The following PTPRD variants were observed in gnomAD, a reference collection of about 807,000 sequenced individuals.
The protein encoded by PTPRD is receptor-type tyrosine-protein phosphatase delta.
A neutral mutation model predicts 214.5 loss-of-function variants in PTPRD; 34 were observed. The ratio of observed to expected loss-of-function variants is 0.16; its 90% CI spans 0.12 to 0.21. The LOEUF (loss-of-function observed/expected upper bound fraction) is 0.21, where lower values mean the gene tolerates loss of function less well. Ranked by LOEUF, PTPRD falls within the 10% of genes least tolerant of loss-of-function variation. The pLI, the probability that PTPRD is intolerant of heterozygous loss-of-function variation, is 1.00. For synonymous variants in PTPRD, 1,128 were observed against 845.7 expected, an observed-to-expected ratio of 1.33 and a Z score of -5.79; for missense variants, 2,545 against 2,398.7, an observed-to-expected ratio of 1.06 and a Z score of -1.27.
intron 12 of PTPRD, among the ~76,000 whole-genome samples, chr9:8,658,879 A>G (rs2096969845): frequency 6.6e-6 from 1 of 152,192 alleles, no homozygotes; most frequent in African/African-American, 2.4e-5. Flanking sequence ...ATAAATAAAT[A>G]CAATTGCAAT....
intron 10 of PTPRD, among the ~76,000 whole-genome samples, chr9:9,169,930 A>G (rs911488896): frequency 6.6e-6 from 1 of 152,190 alleles, no homozygotes; most frequent in South Asian, 2.1e-4. Context: ...CTGTCCTGGA[A>G]CTGCAAGATT....
intron 12 of PTPRD, among the ~76,000 whole-genome samples, chr9:8,705,982 C>G (rs1333920437): frequency 6.6e-6 from 1 of 152,086 alleles, no homozygotes; most frequent in Non-Finnish European, 1.5e-5. Flanking sequence ...AAATTCCAAG[C>G]CAGGCATTCA....
At chr9:10,515,308 G>T (rs2049684732) in intron 2 of PTPRD, among the ~76,000 whole-genome samples, 2 of 151,918 alleles carry the variant, frequency 1.3e-5, no homozygotes, top group African/African-American at 4.8e-5. Context: ...CATGTCTTTT[G>T]AAAAATGCTA....
chr9:8,865,506 C>A (rs924277394), intron 11 of PTPRD, among the ~76,000 whole-genome samples: 6 of 152,086 alleles, frequency 3.9e-5, no homozygotes, highest in South Asian at 4.2e-4. Context: ...TAAAGCCTCC[C>A]GTATAGTCCA....
chr9:9,980,529 A>AC (rs1013483338), intron 4 of PTPRD, among the ~76,000 whole-genome samples: 2 of 142,306 alleles, frequency 1.4e-5, no homozygotes, highest in African/African-American at 5.1e-5. Flanking sequence ...AATCGCTTGA[A>AC]CCCGGGGGGG....
intron 9 of PTPRD, among the ~76,000 whole-genome samples, chr9:9,385,866 G>A (rs2063713776): frequency 6.6e-6 from 1 of 152,134 alleles, no homozygotes; most frequent in Non-Finnish European, 1.5e-5. Context: ...TGTTAGAGGT[G>A]TCATTTAAGC....
chr9:10,155,954 C>T (rs925095364), intron 3 of PTPRD, among the ~76,000 whole-genome samples: 1 of 152,000 alleles, frequency 6.6e-6, no homozygotes, highest in Non-Finnish European at 1.5e-5. Flanking sequence ...ATGATGCTGG[C>T]TTCATAGAAT....
At chr9:9,155,724 C>T (rs1270944604) in intron 10 of PTPRD, among the ~76,000 whole-genome samples, 1 of 152,148 alleles carries the variant, frequency 6.6e-6, no homozygotes, top group African/African-American at 2.4e-5. Context: ...TAATCATCGA[C>T]CTACATCAAA....
At chr9:8,731,513 C>CA (rs1218941076) in intron 12 of PTPRD, among the ~76,000 whole-genome samples, 3 of 152,144 alleles carry the variant, frequency 2.0e-5, no homozygotes, top group African/African-American at 4.8e-5. Flanking sequence ...GTGAATAAAT[C>CA]AAATTTTTCT....
chr9:9,164,343 T>G (rs1231261812), intron 10 of PTPRD, among the ~76,000 whole-genome samples: 2 of 152,182 alleles, frequency 1.3e-5, no homozygotes, highest in Admixed American at 1.3e-4. Context: ...ATTTTCACAT[T>G]GCCTTCCCAC....
intron 3 of PTPRD, among the ~76,000 whole-genome samples, chr9:10,295,819 C>T (rs2095657504): frequency 6.6e-6 from 1 of 152,032 alleles, no homozygotes; most frequent in South Asian, 2.1e-4. Context: ...CTGGCTGGAG[C>T]AGAAGAGATG....
intron 8 of PTPRD, among the ~76,000 whole-genome samples, chr9:9,416,331 GA>G (rs1274719046): frequency 6.6e-6 from 1 of 152,166 alleles, no homozygotes; most frequent in Non-Finnish European, 1.5e-5. Flanking sequence ...TCTTGATTTT[GA>G]AATAAGACAG....
chr9:10,153,378 T>G (rs1278963921), intron 3 of PTPRD, among the ~76,000 whole-genome samples: 4 of 151,556 alleles, frequency 2.6e-5, no homozygotes, highest in Non-Finnish European at 5.9e-5. Context: ...ATTTTGTGGG[T>G]CTTGCTTTTC....
At chr9:9,542,819 C>T (rs1043446023) in intron 8 of PTPRD, among the ~76,000 whole-genome samples, 1 of 151,578 alleles carries the variant, frequency 6.6e-6, no homozygotes, top group Non-Finnish European at 1.5e-5. Flanking sequence ...GTGTTAACAA[C>T]CATGAGGAGC....
chr9:10,577,283 T>C (rs1054052274), intron 2 of PTPRD, among the ~76,000 whole-genome samples: 4 of 152,226 alleles, frequency 2.6e-5, no homozygotes, highest in Non-Finnish European at 5.9e-5. Flanking sequence ...CTTTAGTCAG[T>C]GGAACCAGAA....
intron 3 of PTPRD, among the ~76,000 whole-genome samples, chr9:10,129,485 C>T (rs1462389298): frequency 1.4e-5 from 2 of 142,272 alleles, no homozygotes; most frequent in Non-Finnish European, 3.0e-5. Flanking sequence ...GGATTTTATT[C>T]TCTTTTTTCT....
At chr9:9,769,917 T>C (rs12001645) in intron 5 of PTPRD, among the ~76,000 whole-genome samples, 19,187 of 152,156 alleles carry the variant, frequency 0.13, 2,068 homozygotes, top group African/African-American at 0.29. Context: ...GCTTCATCCA[T>C]GTCCCTGCAA....
chr9:10,475,113 A>G (rs1260373280), intron 2 of PTPRD, among the ~76,000 whole-genome samples: 1 of 152,178 alleles, frequency 6.6e-6, no homozygotes, highest in Non-Finnish European at 1.5e-5. Context: ...AAGCTAGCAG[A>G]AGACAAGAAA....
intron 39 of PTPRD, among the ~76,000 whole-genome samples, chr9:8,346,441 G>A (rs1291178558): frequency 6.6e-6 from 1 of 151,986 alleles, no homozygotes; most frequent in South Asian, 2.1e-4. Flanking sequence ...AGTTATTTGC[G>A]GTTAACCACG....
Sources: allele counts gnomAD v4.1 joint callset (sites outside exome capture counted in the v4.1 genomes callset), GRCh38; gene constraint gnomAD v4.1.1; transcripts MANE v1.5; gene names NCBI Gene and HGNC (gene_info 2026-07-23, HGNC 2026-07-21).